EYS: variants seen among roughly 807,000 people sequenced by gnomAD.
The protein encoded by EYS is protein eyes shut homolog.
A neutral mutation model predicts 282.1 loss-of-function variants in EYS; 250 were observed. The ratio of observed to expected loss-of-function variants is 0.89; its 90% CI spans 0.80 to 0.98. The LOEUF (loss-of-function observed/expected upper bound fraction) is 0.98, where lower values mean the gene tolerates loss of function less well. Ranked by LOEUF, EYS falls within the 50% of genes least tolerant of loss-of-function variation. The probability of loss-of-function intolerance (pLI) is 0.00; values close to 1 mark genes in which losing one functional copy is unlikely to be tolerated. For missense variants in EYS, 4,016 were observed against 3,709.0 expected (o/e 1.08, Z -2.15); for synonymous variants, 1,355 against 1,282.9 (o/e 1.06, Z -1.20).
intron 35 of EYS, among the ~76,000 whole-genome samples, chr6:63,910,557 C>CCGGTTTT (rs1203380843): frequency 2.6e-5 from 4 of 152,138 alleles, no homozygotes; most frequent in Non-Finnish European, 5.9e-5. Context: ...TGCTGTAATG[C>CCGGTTTT]CGGTTTTCAT....
intron 31 of EYS, among the ~76,000 whole-genome samples, chr6:64,203,112 A>G (rs139494874): frequency 1.1e-3 from 168 of 152,350 alleles, no homozygotes; most frequent in African/African-American, 3.9e-3. Flanking sequence ...GAGGAGTAAT[A>G]TGTCTGATAA....
chr6:65,399,914 C>G (rs566783003), intron 7 of EYS, among the ~76,000 whole-genome samples: 12 of 152,068 alleles, frequency 7.9e-5, no homozygotes, highest in African/African-American at 2.9e-4. Context: ...AAAATGACCT[C>G]CAGTTGCCCA....
chr6:63,845,115 A>T (rs2149699624), intron 36 of EYS, among the ~76,000 whole-genome samples: 1 of 152,248 alleles, frequency 6.6e-6, no homozygotes, highest in South Asian at 2.1e-4. Context: ...AAGGAAGGAG[A>T]CACAAAATAC....
chr6:64,429,621 A>G (rs1360603497), intron 28 of EYS, among the ~76,000 whole-genome samples: 1 of 152,160 alleles, frequency 6.6e-6, no homozygotes, highest in Non-Finnish European at 1.5e-5. Flanking sequence ...ATGGAGCAGG[A>G]TTCTTTCTTG....
chr6:65,608,942 C>T (rs976639484), intron 2 of EYS, among the ~76,000 whole-genome samples: 1 of 151,954 alleles, frequency 6.6e-6, no homozygotes, highest in Non-Finnish European at 1.5e-5. Flanking sequence ...GATAATAATG[C>T]CTTCTTCTGG....
intron 33 of EYS, among the ~76,000 whole-genome samples, chr6:64,058,852 T>C (rs557040010): frequency 6.6e-6 from 1 of 152,340 alleles, no homozygotes; most frequent in Admixed American, 6.5e-5. Context: ...AAAAATAATT[T>C]AAACTTCCTC....
chr6:63,848,601 G>A (rs1772160802), intron 36 of EYS, among the ~76,000 whole-genome samples: 1 of 151,996 alleles, frequency 6.6e-6, no homozygotes, highest in South Asian at 2.1e-4. Flanking sequence ...CCATCCCCTA[G>A]CCACAGGAAG....
chr6:64,293,044 C>T (rs747518062), intron 30 of EYS, among the ~76,000 whole-genome samples: 4 of 151,952 alleles, frequency 2.6e-5, no homozygotes, highest in Non-Finnish European at 4.4e-5. Flanking sequence ...ATCAATATGT[C>T]ACTTTACTTT....
chr6:65,377,143 A>G (rs1562134177), intron 8 of EYS, among the ~76,000 whole-genome samples: 1 of 152,170 alleles, frequency 6.6e-6, no homozygotes, highest in Non-Finnish European at 1.5e-5. Context: ...TCCTCAACAA[A>G]TGCAAAAGAA....
chr6:65,646,485 T>C (rs181855949), intron 1 of EYS, among the ~76,000 whole-genome samples: 1 of 152,066 alleles, frequency 6.6e-6, no homozygotes, highest in South Asian at 2.1e-4. Context: ...CCTTTATGAA[T>C]AAAACCTTCA....
At chr6:64,538,082 C>CG (rs1764584060) in intron 26 of EYS, among the ~76,000 whole-genome samples, 1 of 151,990 alleles carries the variant, frequency 6.6e-6, no homozygotes, top group Non-Finnish European at 1.5e-5. Flanking sequence ...AAAAATTGTT[C>CG]GGGAAATTTT....
At position 64,897,122 on chromosome 6, in the gene EYS, C is replaced by T. The variant is rs1767500068; in HGVS notation, c.2846+4991G>A. 2.0e-5 allele frequency among the ~76,000 whole-genome samples: 3 copies of T among 152,266 alleles called. No individual in the cohort carries two copies. In the South Asian group the frequency reaches 6.2e-4, roughly 32 times the overall value. On this transcript the variant is annotated intron_variant, in intron 18 of 42. Coordinates refer to ENST00000503581, the MANE Select transcript of EYS (RefSeq NM_001142800.2). ...CAAGCTCTGCTAAGGGACAGACTGC[C>T]TCAAGTGGGTCCAGGGCTCCCATAT...
chr6:64,181,485 A>G (rs1764785782), intron 31 of EYS, among the ~76,000 whole-genome samples: 1 of 152,140 alleles, frequency 6.6e-6, no homozygotes, highest in Non-Finnish European at 1.5e-5. Context: ...TTTCAAAACT[A>G]CAGTAACTGC....
chr6:65,208,177 C>A (rs1766084389), intron 12 of EYS, among the ~76,000 whole-genome samples: 1 of 151,688 alleles, frequency 6.6e-6, no homozygotes, highest in South Asian at 2.1e-4. Flanking sequence ...AGAAGACATA[C>A]AAGTACCTAT....
chr6:64,339,075 G>C (rs1405102978), intron 29 of EYS, among the ~76,000 whole-genome samples: 1 of 151,920 alleles, frequency 6.6e-6, no homozygotes, highest in Non-Finnish European at 1.5e-5. Flanking sequence ...ATTGGCTTAG[G>C]CAAGAATTTC....
chr6:64,629,302 GT>G (rs1562100039), intron 22 of EYS, among the ~76,000 whole-genome samples: 1 of 152,106 alleles, frequency 6.6e-6, no homozygotes, highest in East Asian at 1.9e-4. Context: ...TTAGAGGGAA[GT>G]TGCTTTGCAC....
At chr6:64,006,528 G>A (rs913342304) in intron 33 of EYS, among the ~76,000 whole-genome samples, 2 of 152,026 alleles carry the variant, frequency 1.3e-5, no homozygotes, top group African/African-American at 4.8e-5. Flanking sequence ...TACTATGTTG[G>A]ATGAAAGTGG....
intron 30 of EYS, among the ~76,000 whole-genome samples, chr6:64,280,090 T>C (rs1442921174): frequency 6.6e-6 from 1 of 152,190 alleles, no homozygotes; most frequent in Non-Finnish European, 1.5e-5. Flanking sequence ...ACACTGTTGC[T>C]CTCTCACGTA....
intron 12 of EYS, among the ~76,000 whole-genome samples, chr6:65,146,244 T>C (rs943005753): frequency 6.9e-6 from 1 of 144,782 alleles, no homozygotes; most frequent in Non-Finnish European, 1.6e-5. Context: ...GAAAACATTT[T>C]TCCCCCAAGG....
Sources: allele counts gnomAD v4.1 joint callset (sites outside exome capture counted in the v4.1 genomes callset), GRCh38; gene constraint gnomAD v4.1.1; transcripts MANE v1.5; gene names NCBI Gene and HGNC (gene_info 2026-07-23, HGNC 2026-07-21).